The following SNX29 variants were observed in gnomAD, a reference collection of about 807,000 sequenced individuals.
SNX29 encodes sorting nexin 29.
Under a neutral mutation model 102.1 loss-of-function variants are expected in SNX29, and 78 were observed. The ratio of observed to expected loss-of-function variants is 0.76; its 90% CI spans 0.64 to 0.92. The LOEUF (loss-of-function observed/expected upper bound fraction) is 0.92, where lower values mean the gene tolerates loss of function less well. Ranked by LOEUF, SNX29 falls within the 40% of genes least tolerant of loss-of-function variation. SNX29 has a pLI of 0.00. For synonymous variants in SNX29, 580 were observed against 414.5 expected (o/e 1.40, Z -4.85); for missense variants, 1,280 against 1,061.7 (o/e 1.21, Z -2.86).
At chr16:12,477,908 G>C (rs527486663) in intron 19 of SNX29, 49 bp downstream of exon 19, 1 of 1,527,820 alleles carries the variant, frequency 6.5e-7, no homozygotes, top group Non-Finnish European at 8.8e-7. Flanking sequence ...GCGTTAAAAT[G>C]GATTATTTAT....
At chr16:12,444,138 G>A (rs192327214) in intron 18 of SNX29, among the ~76,000 whole-genome samples, 29 of 152,082 alleles carry the variant, frequency 1.9e-4, no homozygotes, top group Admixed American at 1.2e-3. Flanking sequence ...CACCTAGCAC[G>A]TAGTAAGCAC....
intron 20 of SNX29, among the ~76,000 whole-genome samples, chr16:12,552,416 G>C (rs76832083): frequency 2.6e-5 from 4 of 152,322 alleles, no homozygotes; most frequent in South Asian, 2.1e-4. Context: ...TGAGGACGTG[G>C]TCAGTTCTTT....
rs147292516 is a variant in SNX29 at position 12,449,965 on chromosome 16, G to A, written c.2038-27754G>A. Among the ~76,000 whole-genome samples, 264 of 152,266 alleles carry A rather than the reference G, an allele frequency of 1.7e-3. 2 individuals carry two copies. The highest frequency in any genetic ancestry group is 0.013 in the East Asian group (66 of 5,186). On this transcript the variant is annotated intron_variant, in intron 18 of 20. Coordinates refer to ENST00000566228, the MANE Select transcript of SNX29 (RefSeq NM_032167.5). ...CACGTGTTGTGGGAGGGACCCGGTG[G>A]GAGACAACTGAATCATGGGGGGCGG... is the stretch of plus-strand genomic sequence containing the variant.
rs1188892960 is a variant in SNX29, at chr16:12,489,608, A to C, written c.2178+11749A>C. On this transcript the variant is annotated intron_variant, in intron 19 of 20. Transcript: ENST00000566228. ...AAGAGTGAACAAGCTTATGCCAGTC[A>C]AGTATTTCCCATGGTGCGGTGTGTC... Among the ~76,000 whole-genome samples the C allele has an allele frequency of 3.9e-5, 6 of 152,326 alleles. No individual in the cohort carries two copies. In the East Asian group the frequency reaches 1.2e-3, roughly 29 times the overall value.
intron 15 of SNX29, among the ~76,000 whole-genome samples, chr16:12,302,247 G>A (rs543110207): frequency 2.6e-5 from 4 of 152,280 alleles, no homozygotes; most frequent in East Asian, 1.9e-4. Context: ...CTGTGGCCAC[G>A]TTCCGTCAAA....
rs147608285 is a variant in SNX29, at chr16:12,032,495, C to T, written c.247+5051C>T. Among the ~76,000 whole-genome samples the T allele has an allele frequency of 4.0e-3, 603 of 152,024 alleles. 5 individuals carry two copies. Among genetic ancestry groups the T allele is most frequent in the African/African-American group, 0.013 (557 of 41,440 alleles). On this transcript the variant is annotated intron_variant, in intron 4 of 20. Transcript: ENST00000566228. ...TGCTGTGATTACAGGCATGAGCAAC[C>T]GCGCCTGGCCCAGAATTTTCTTCTT...
At chr16:12,567,387 G>A (rs1228476552) in intron 20 of SNX29, among the ~76,000 whole-genome samples, 1 of 152,152 alleles carries the variant, frequency 6.6e-6, no homozygotes, top group African/African-American at 2.4e-5. Flanking sequence ...ATCCCAGTGA[G>A]GTATTTACTT....
chr16:12,543,120 C>T (rs550316553), intron 20 of SNX29, among the ~76,000 whole-genome samples: 3 of 152,286 alleles, frequency 2.0e-5, no homozygotes, highest in African/African-American at 7.2e-5. Context: ...AGCTGCGTAT[C>T]TTATAGATGG....
At chr16:12,556,880 T>C (rs2141417976) in intron 20 of SNX29, among the ~76,000 whole-genome samples, 1 of 151,244 alleles carries the variant, frequency 6.6e-6, no homozygotes, top group South Asian at 2.1e-4. Flanking sequence ...TGAGATAGGG[T>C]CTCCGTCTGT....
intron 20 of SNX29, among the ~76,000 whole-genome samples, chr16:12,541,495 G>A (rs1023507984): frequency 4.6e-5 from 7 of 152,134 alleles, no homozygotes; most frequent in Admixed American, 2.6e-4. Flanking sequence ...CCAGACCTCT[G>A]TGATCTGAGT....
At chr16:12,246,372 G>C (rs2078260046) in intron 14 of SNX29, among the ~76,000 whole-genome samples, 1 of 152,110 alleles carries the variant, frequency 6.6e-6, no homozygotes, top group Admixed American at 6.5e-5. Flanking sequence ...CAGGCATGGT[G>C]GCTCACGCTT....
intron 16 of SNX29, among the ~76,000 whole-genome samples, chr16:12,390,971 G>A (rs1469031749): frequency 6.6e-6 from 1 of 152,130 alleles, no homozygotes. Flanking sequence ...TTCGAGATGG[G>A]GTCTCACTCT....
intron 20 of SNX29, among the ~76,000 whole-genome samples, chr16:12,550,166 G>A (rs1188319903): frequency 1.3e-5 from 2 of 152,160 alleles, no homozygotes; most frequent in African/African-American, 4.8e-5. Flanking sequence ...TAGTGATATG[G>A]AAAAAATCTC....
chr16:12,486,015 G>A (rs952259870), intron 19 of SNX29, among the ~76,000 whole-genome samples: 1 of 152,182 alleles, frequency 6.6e-6, no homozygotes, highest in Non-Finnish European at 1.5e-5. Context: ...AGTTCAGGAG[G>A]CCAGACATTC....
In SNX29 at chr16:12,013,810, A is replaced by T. The variant is rs906353424; in HGVS notation, c.122+10767A>T. ...CAGGTACATGCCGCCATACCCGGCTAATTTTTTTTGTTTTGTATTTTAGTA... is the reference window on the plus strand; with the variant it reads ...CAGGTACATGCCGCCATACCCGGCTTATTTTTTTTGTTTTGTATTTTAGTA... On this transcript the variant is annotated intron_variant, in intron 3 of 20. Transcript: ENST00000566228. Among the ~76,000 whole-genome samples the T allele has an allele frequency of 4.3e-5, 6 of 140,220 alleles. No individual in the cohort carries two copies. In the Admixed American group the frequency reaches 4.5e-4, roughly 10 times the overall value. The allele number at this position is 140,220 out of a possible 152,430, so 92.0% of individuals were successfully genotyped here. A position where few individuals can be genotyped will look rare whatever the true frequency, so the allele number is the denominator to read the frequency against.
intron 4 of SNX29, among the ~76,000 whole-genome samples, chr16:12,036,729 G>T (rs1641836): frequency 1.3e-5 from 2 of 151,816 alleles, no homozygotes; most frequent in South Asian, 2.1e-4. Flanking sequence ...CCCTCACCCC[G>T]CATGGCTGTG....
At chr16:12,359,574 C>G (rs897369983) in intron 16 of SNX29, among the ~76,000 whole-genome samples, 1 of 152,164 alleles carries the variant, frequency 6.6e-6, no homozygotes, top group Non-Finnish European at 1.5e-5. Flanking sequence ...TAATCATTCA[C>G]TTTAAAAGTA....
intron 20 of SNX29, among the ~76,000 whole-genome samples, chr16:12,566,773 C>T (rs925619022): frequency 2.0e-5 from 3 of 152,186 alleles, no homozygotes; most frequent in African/African-American, 4.8e-5. Context: ...AGGAGGAAAG[C>T]ACAGCACACG....
At chr16:12,280,148 T>C (rs2079386518) in intron 15 of SNX29, among the ~76,000 whole-genome samples, 1 of 152,126 alleles carries the variant, frequency 6.6e-6, no homozygotes, top group African/African-American at 2.4e-5. Context: ...TTTCAGTGTT[T>C]ATGAGATGCC....
Sources: gnomAD v4.1 joint callset for allele counts (sites outside exome capture counted in the v4.1 genomes callset) on GRCh38, gnomAD v4.1.1 for gene constraint, MANE v1.5 for transcripts, NCBI Gene and HGNC (gene_info 2026-07-23, HGNC 2026-07-21) for gene names.